The following NRCAM variants were observed in gnomAD, a reference collection of about 807,000 sequenced individuals.
NRCAM encodes the protein neuronal cell adhesion molecule.
A neutral mutation model predicts 156.5 loss-of-function variants in NRCAM; 83 were observed. The observed-to-expected ratio is 0.53, with a 90% CI of 0.44 to 0.64. The LOEUF is 0.64. Among genes scored for constraint, NRCAM ranks in the 30% least tolerant of loss-of-function variants. NRCAM has a pLI of 0.00. For synonymous variants in NRCAM, 538 were observed against 563.9 expected, an observed-to-expected ratio of 0.95 and a Z score of 0.65; for missense variants, 1,417 against 1,597.3, an observed-to-expected ratio of 0.89 and a Z score of 1.92.
chr7:108,231,495 TAAAG>T (rs1227295655), intron 7 of NRCAM, among the ~76,000 whole-genome samples: 2 of 151,862 alleles, frequency 1.3e-5, no homozygotes, highest in Non-Finnish European at 2.9e-5. Flanking sequence ...ATTTGCTAAA[TAAAG>T]AATTACACAT....
At chr7:108,439,678 T>G (rs35436957) in intron 1 of NRCAM, among the ~76,000 whole-genome samples, 37,384 of 151,468 alleles carry the variant, frequency 0.25, 4,913 homozygotes, top group Non-Finnish European at 0.29. Context: ...CTACTAAAAA[T>G]ACAAAATTAG....
intron 2 of NRCAM, among the ~76,000 whole-genome samples, chr7:108,333,541 C>T (rs1563305729): frequency 6.6e-6 from 1 of 152,114 alleles, no homozygotes; most frequent in Non-Finnish European, 1.5e-5. Context: ...ACTGTAAAAT[C>T]TATCACCTGT....
At chr7:108,433,870 A>G (rs1828857871) in intron 1 of NRCAM, among the ~76,000 whole-genome samples, 2 of 152,232 alleles carry the variant, frequency 1.3e-5, no homozygotes, top group South Asian at 4.1e-4. Context: ...CACAAAATGG[A>G]CTAGAACATC....
At chr7:108,264,856 T>C (rs563676825) in intron 3 of NRCAM, among the ~76,000 whole-genome samples, 33 of 152,362 alleles carry the variant, frequency 2.2e-4, no homozygotes, top group African/African-American at 7.9e-4. Flanking sequence ...AAAGTTATTC[T>C]CTTTTTAAGG....
At chr7:108,275,771 G>C in intron 3 of NRCAM, among the ~76,000 whole-genome samples, 1 of 152,018 alleles carries the variant, frequency 6.6e-6, no homozygotes, top group East Asian at 1.9e-4. Context: ...ATTGTCTTCT[G>C]CTAGCTTTTG....
chr7:108,284,885 T>C lies in NRCAM; in HGVS notation c.-107+27780A>G, dbSNP rs73201510. ...TGTTCTGCTTTGTGCTGCACGCACT[T>C]AGCACAGCTACTGGCACATAATTAG... On this transcript the variant is annotated intron_variant, in intron 3 of 32. Transcript: ENST00000379028. 8.6e-3 allele frequency among the ~76,000 whole-genome samples: 1,317 copies of C among 152,358 alleles called. 12 individuals carry two copies. Among genetic ancestry groups the C allele is most frequent in the Non-Finnish European group, 0.01 (682 of 68,024 alleles).
intron 20 of NRCAM, among the ~76,000 whole-genome samples, chr7:108,189,018 T>G (rs374682088): frequency 1.4e-5 from 2 of 147,728 alleles, no homozygotes; most frequent in South Asian, 4.4e-4. Flanking sequence ...TTACCTATAG[T>G]CTAATTTTAT....
At chr7:108,374,541 G>A (rs1392409165) in intron 2 of NRCAM, among the ~76,000 whole-genome samples, 1 of 151,984 alleles carries the variant, frequency 6.6e-6, no homozygotes, top group Non-Finnish European at 1.5e-5. Context: ...CTCTTAATGA[G>A]GCTCATTTCT....
intron 3 of NRCAM, among the ~76,000 whole-genome samples, chr7:108,261,763 G>A (rs562316244): frequency 7.2e-5 from 11 of 152,240 alleles, no homozygotes; most frequent in African/African-American, 2.4e-4. Flanking sequence ...GACCCTCATA[G>A]GGATCTCTTG....
chr7:108,271,180 C>A (rs1374085521), intron 3 of NRCAM, among the ~76,000 whole-genome samples: 2 of 152,116 alleles, frequency 1.3e-5, no homozygotes, highest in Non-Finnish European at 2.9e-5. Flanking sequence ...AAACAGCTAC[C>A]AGCAAGAAGT....
At chr7:108,205,388 T>A (rs1273091876) in intron 13 of NRCAM, among the ~76,000 whole-genome samples, 1 of 152,232 alleles carries the variant, frequency 6.6e-6, no homozygotes, top group Non-Finnish European at 1.5e-5. Flanking sequence ...TGGACTAAGA[T>A]GGCTGGTTTG....
intron 4 of NRCAM, among the ~76,000 whole-genome samples, chr7:108,239,559 A>T (rs1044882719): frequency 3.3e-5 from 5 of 152,076 alleles, no homozygotes; most frequent in Admixed American, 1.3e-4. Context: ...GAAAGAGTAA[A>T]GTGGTGAAGG....
At chr7:108,363,205 T>C (rs2099570521) in intron 2 of NRCAM, among the ~76,000 whole-genome samples, 1 of 152,146 alleles carries the variant, frequency 6.6e-6, no homozygotes, top group South Asian at 2.1e-4. Flanking sequence ...GAGAGACATA[T>C]GTTCTGTGAA....
chr7:108,455,495 C>A (rs996001433), intron 1 of NRCAM, among the ~76,000 whole-genome samples: 3 of 152,170 alleles, frequency 2.0e-5, no homozygotes, highest in African/African-American at 7.2e-5. Flanking sequence ...CAAGTCCCAG[C>A]CCTCGGAGGC....
At chr7:108,226,760 G>A (rs1354241045) in intron 8 of NRCAM, among the ~76,000 whole-genome samples, 1 of 151,854 alleles carries the variant, frequency 6.6e-6, no homozygotes, top group African/African-American at 2.4e-5. Flanking sequence ...CATTAAGGAA[G>A]CTTCTAAAAT....
At chr7:108,368,224 A>ACCCCCCCCCCCCCCCCCCCCCCCTCCCC (rs67897117) in intron 2 of NRCAM, among the ~76,000 whole-genome samples, 1 of 91,058 alleles carries the variant, frequency 1.1e-5, no homozygotes, top group Non-Finnish European at 2.2e-5. Flanking sequence ...ACACTTTCAT[A>ACCCCCCCCCCCCCCCCCCCCCCCTCCCC]CCCCCCCCCA....
At chr7:108,231,958 T>G (rs1011284466) in intron 7 of NRCAM, among the ~76,000 whole-genome samples, 1 of 152,186 alleles carries the variant, frequency 6.6e-6, no homozygotes, top group Admixed American at 6.5e-5. Context: ...TTTAAAGAAA[T>G]AGCATTTAGA....
intron 2 of NRCAM, among the ~76,000 whole-genome samples, chr7:108,360,968 C>T (rs1940106986): frequency 6.6e-6 from 1 of 152,076 alleles, no homozygotes; most frequent in South Asian, 2.1e-4. Context: ...AAATAACACT[C>T]ATATTGGGCT....
intron 1 of NRCAM, among the ~76,000 whole-genome samples, chr7:108,404,823 A>G (rs189413980): frequency 2.0e-5 from 3 of 152,346 alleles, no homozygotes; most frequent in East Asian, 1.9e-4. Flanking sequence ...TGCCACCCGA[A>G]TGTGGAGGAA....
Sources: gnomAD v4.1 joint callset for allele counts (sites outside exome capture counted in the v4.1 genomes callset) on GRCh38, gnomAD v4.1.1 for gene constraint, MANE v1.5 for transcripts, NCBI Gene and HGNC (gene_info 2026-07-23, HGNC 2026-07-21) for gene names.